ARHGEF4: variants seen among roughly 807,000 people sequenced by gnomAD.
ARHGEF4 encodes the protein APC-stimulated guanine nucleotide exchange factor 1.
ARHGEF4 carries 119 observed loss-of-function variants against 162.0 expected under a neutral mutation model. That is an observed-to-expected ratio of 0.73 (90% confidence interval 0.63 to 0.86). The LOEUF is 0.86. Ranked by LOEUF, ARHGEF4 falls within the 40% of genes least tolerant of loss-of-function variation. The pLI is 0.00. For synonymous variants in ARHGEF4, 1,014 were observed against 979.9 expected, an observed-to-expected ratio of 1.03 and a Z score of -0.65; for missense variants, 2,488 against 2,456.0, an observed-to-expected ratio of 1.01 and a Z score of -0.28.
intron 1 of ARHGEF4, among the ~76,000 whole-genome samples, chr2:130,865,720 G>A (rs1024947234): frequency 1.3e-5 from 2 of 152,136 alleles, no homozygotes; most frequent in Admixed American, 1.3e-4. Flanking sequence ...TTGTTTGTTT[G>A]TTTGTTTGTT....
chr2:130,890,928 ACTT>A (rs1679829333), intron 1 of ARHGEF4, among the ~76,000 whole-genome samples: 1 of 152,128 alleles, frequency 6.6e-6, no homozygotes, highest in Non-Finnish European at 1.5e-5. Context: ...TGGGTCTCTT[ACTT>A]CTTTTCTACC....
chr2:131,017,733 T>C (rs918371015), intron 4 of ARHGEF4, among the ~76,000 whole-genome samples: 1 of 152,122 alleles, frequency 6.6e-6, no homozygotes, highest in Non-Finnish European at 1.5e-5. Flanking sequence ...TATTCACGGA[T>C]CAAATTATGT....
intron 4 of ARHGEF4, among the ~76,000 whole-genome samples, chr2:131,019,636 T>G (rs1206234765): frequency 5.3e-5 from 2 of 37,880 alleles, no homozygotes; most frequent in African/African-American, 7.1e-5. Context: ...GTTTTTGTTT[T>G]TGTTTTTGTT....
At chr2:130,970,810 T>C (rs573057354) in intron 4 of ARHGEF4, among the ~76,000 whole-genome samples, 1 of 152,334 alleles carries the variant, frequency 6.6e-6, no homozygotes, top group Non-Finnish European at 1.5e-5. Flanking sequence ...ATATTCTGAG[T>C]GCAAGTACTT....
intron 4 of ARHGEF4, among the ~76,000 whole-genome samples, chr2:130,993,104 G>A (rs1020972734): frequency 2.6e-5 from 4 of 152,032 alleles, no homozygotes; most frequent in Non-Finnish European, 4.4e-5. Context: ...AACAAAAATA[G>A]ACATCAAGGC....
In ARHGEF4 at chr2:131,039,998, G is replaced by C; in HGVS notation, c.4306-18G>C. On this transcript the variant is annotated intron_variant, in intron 6 of 13. Coordinates refer to ENST00000409359, the MANE Select transcript of ARHGEF4 (RefSeq NM_001367493.1). The stretch of plus-strand genomic sequence containing the variant: ...TCCGAGGGATGCGGGGCACTGACCG[G>C]CCACGCATGGCCTGCAGCTGAGGGT... 1 of 1,550,018 alleles carries C rather than the reference G, an allele frequency of 6.5e-7. No homozygotes were observed. The highest frequency in any genetic ancestry group is 8.7e-7 in the Non-Finnish European group (1 of 1,147,830).
At chr2:130,910,952 C>T (rs1156443129) in intron 1 of ARHGEF4, among the ~76,000 whole-genome samples, 1 of 152,182 alleles carries the variant, frequency 6.6e-6, no homozygotes, top group African/African-American at 2.4e-5. Flanking sequence ...TTAGAAGGGA[C>T]ACTGTGTCCT....
intron 1 of ARHGEF4, among the ~76,000 whole-genome samples, chr2:130,844,750 G>A (rs184022054): frequency 1.1e-3 from 174 of 152,134 alleles, no homozygotes; most frequent in African/African-American, 4.0e-3. Context: ...AGCATGTGGA[G>A]AGAGCACCCA....
At chr2:130,922,441 C>T (rs1358036848) in intron 2 of ARHGEF4, among the ~76,000 whole-genome samples, 1 of 151,902 alleles carries the variant, frequency 6.6e-6, no homozygotes, top group Non-Finnish European at 1.5e-5. Context: ...TCCAAGTTGC[C>T]TTGGAGAGTG....
At chr2:130,932,846 A>C (rs1161069058) in intron 3 of ARHGEF4, among the ~76,000 whole-genome samples, 1 of 152,110 alleles carries the variant, frequency 6.6e-6, no homozygotes, top group Non-Finnish European at 1.5e-5. Context: ...TTCCATGCGG[A>C]TATGTAGTTA....
At position 130,877,178 on chromosome 2, in the gene ARHGEF4, C is replaced by G. The variant is rs1170539911; in HGVS notation, c.40-36808C>G. Among the ~76,000 whole-genome samples, 3 of 152,214 alleles carry G rather than the reference C, an allele frequency of 2.0e-5. No homozygotes were observed. The East Asian group carries it at 5.8e-4, about 29-fold the overall frequency. On this transcript the variant is annotated intron_variant, in intron 1 of 13. Transcript: ENST00000409359. ...CCAGGGTAAGGGGGACGCAGGGGTT[C>G]TAGAATAGGCCCAGCTCAAATGAGT...
intron 10 of ARHGEF4, 45 bp from the exon 11 acceptor site, chr2:131,043,407 C>A: frequency 6.2e-7 from 1 of 1,609,680 alleles, no homozygotes; most frequent in Non-Finnish European, 8.5e-7. Context: ...GTGGAGCCCA[C>A]GGTTGGGTAT....
chr2:130,904,407 G>C (rs1289041122), intron 1 of ARHGEF4, among the ~76,000 whole-genome samples: 1 of 152,108 alleles, frequency 6.6e-6, no homozygotes, highest in Non-Finnish European at 1.5e-5. Context: ...CCTGCTCTGG[G>C]GGGAGGGGAG....
chr2:130,962,576 C>G (rs1398715257), intron 4 of ARHGEF4, among the ~76,000 whole-genome samples: 1 of 152,104 alleles, frequency 6.6e-6, no homozygotes, highest in African/African-American at 2.4e-5. Context: ...TCTTATGGTA[C>G]AGAGCTTGGA....
chr2:130,998,766 C>T (rs1405623970), intron 4 of ARHGEF4, among the ~76,000 whole-genome samples: 1 of 152,198 alleles, frequency 6.6e-6, no homozygotes, highest in Non-Finnish European at 1.5e-5. Context: ...ATGAATAAAG[C>T]TGCTATAAAC....
At chr2:131,024,423 G>A (rs1214904182) in intron 4 of ARHGEF4, among the ~76,000 whole-genome samples, 2 of 151,922 alleles carry the variant, frequency 1.3e-5, no homozygotes, top group Non-Finnish European at 2.9e-5. Context: ...CTACAGGTGT[G>A]TGCCACCATG....
chr2:130,848,873 A>T (rs933150286), intron 1 of ARHGEF4, among the ~76,000 whole-genome samples: 7 of 152,164 alleles, frequency 4.6e-5, no homozygotes, highest in Non-Finnish European at 2.9e-5. Context: ...AGGAGGTGCC[A>T]GGCACCAGCC....
intron 1 of ARHGEF4, among the ~76,000 whole-genome samples, chr2:130,841,096 G>T (rs272114): frequency 0.086 from 13,151 of 152,084 alleles, 774 homozygotes; most frequent in East Asian, 0.19. Context: ...ACAGAGTCTC[G>T]CTTTGTCACC....
chr2:130,890,743 G>T (rs1288307763), intron 1 of ARHGEF4, among the ~76,000 whole-genome samples: 1 of 152,064 alleles, frequency 6.6e-6, no homozygotes, highest in Admixed American at 6.5e-5. Context: ...ATTTTTAGGA[G>T]TTCTGTCTAG....
Sources: gnomAD v4.1 joint callset for allele counts (sites outside exome capture counted in the v4.1 genomes callset) on GRCh38, gnomAD v4.1.1 for gene constraint, MANE v1.5 for transcripts, NCBI Gene and HGNC (gene_info 2026-07-23, HGNC 2026-07-21) for gene names.